WWOX: variants seen among roughly 807,000 people sequenced by gnomAD.
WWOX encodes WW domain-containing oxidoreductase.
In WWOX, 69 loss-of-function variants were observed where a neutral mutation model predicts 46.2. The observed-to-expected ratio is 1.49, with a 90% CI of 1.23 to 1.82. The LOEUF (loss-of-function observed/expected upper bound fraction) is 1.82, where lower values mean the gene tolerates loss of function less well. WWOX is among the 40% of genes most tolerant of loss of function. WWOX has a pLI of 0.00. For missense variants in WWOX, 919 were observed against 542.6 expected, an observed-to-expected ratio of 1.69 and a Z score of -6.89; for synonymous variants, 359 against 202.6, an observed-to-expected ratio of 1.77 and a Z score of -6.56.
intron 8 of WWOX, among the ~76,000 whole-genome samples, chr16:78,968,782 G>C (rs2046413369): frequency 1.3e-5 from 2 of 152,270 alleles, no homozygotes; most frequent in African/African-American, 4.8e-5. Context: ...AGCTATTGGA[G>C]ATAGCACAGA....
At chr16:78,728,055 C>CTTCCT (rs1555524549) in intron 8 of WWOX, among the ~76,000 whole-genome samples, 2,455 of 86,924 alleles carry the variant, frequency 0.028, 356 homozygotes, top group Non-Finnish European at 0.038. Flanking sequence ...TCCCTCCTTC[C>CTTCCT]TTTTTTTTTT....
chr16:78,905,191 A>G (rs188778181), intron 8 of WWOX, among the ~76,000 whole-genome samples: 76 of 152,276 alleles, frequency 5.0e-4, no homozygotes, highest in African/African-American at 1.8e-3. Context: ...TGGCCTGAGC[A>G]TGAGGTTGAT....
intron 8 of WWOX, among the ~76,000 whole-genome samples, chr16:78,537,896 C>T (rs750624760): frequency 2.6e-5 from 4 of 152,116 alleles, no homozygotes; most frequent in Non-Finnish European, 4.4e-5. Context: ...AGGTTGTCCG[C>T]GGTGCCAGTG....
At chr16:78,706,056 A>AG (rs76022988) in intron 8 of WWOX, among the ~76,000 whole-genome samples, 1 of 54,110 alleles carries the variant, frequency 1.8e-5, no homozygotes, top group Admixed American at 3.0e-4. Flanking sequence ...GAGTTATGGC[A>AG]GGTTTTTTTT....
intron 8 of WWOX, among the ~76,000 whole-genome samples, chr16:78,672,811 A>C (rs966893034): frequency 1.3e-5 from 2 of 152,212 alleles, no homozygotes; most frequent in Non-Finnish European, 2.9e-5. Flanking sequence ...GATAACAGCC[A>C]TCTGACTTGA....
intron 4 of WWOX, among the ~76,000 whole-genome samples, chr16:78,150,964 A>C (rs2034384611): frequency 6.6e-6 from 1 of 151,910 alleles, no homozygotes; most frequent in Admixed American, 6.6e-5. Flanking sequence ...TGCAGCCTCC[A>C]ACTTCTGGGC....
At chr16:78,802,548 T>C (rs1036830507) in intron 8 of WWOX, among the ~76,000 whole-genome samples, 1 of 152,176 alleles carries the variant, frequency 6.6e-6, no homozygotes, top group South Asian at 2.1e-4. Context: ...TCCCCAAAAC[T>C]TAGTCACTAG....
chr16:78,857,612 G>T (rs759812902), intron 8 of WWOX, among the ~76,000 whole-genome samples: 2 of 152,120 alleles, frequency 1.3e-5, no homozygotes, highest in African/African-American at 2.4e-5. Context: ...TTTTCCTTTT[G>T]TATCTAGCCT....
intron 8 of WWOX, among the ~76,000 whole-genome samples, chr16:78,868,726 C>G (rs1174656891): frequency 6.6e-6 from 1 of 152,146 alleles, no homozygotes; most frequent in Non-Finnish European, 1.5e-5. Flanking sequence ...TGCTGATGAG[C>G]CATTCATAGG....
At chr16:79,015,072 C>T (rs1307780607) in intron 8 of WWOX, among the ~76,000 whole-genome samples, 2 of 152,198 alleles carry the variant, frequency 1.3e-5, no homozygotes, top group Admixed American at 6.5e-5. Flanking sequence ...TCCTGAACCT[C>T]TGTCTTTCAA....
intron 8 of WWOX, among the ~76,000 whole-genome samples, chr16:78,760,045 T>C (rs991248881): frequency 6.6e-6 from 1 of 152,164 alleles, no homozygotes; most frequent in Non-Finnish European, 1.5e-5. Context: ...GTGTTCACAC[T>C]AGTGATAAAG....
chr16:78,196,612 A>C (rs377489512), intron 5 of WWOX, among the ~76,000 whole-genome samples: 15 of 152,274 alleles, frequency 9.9e-5, no homozygotes, highest in Middle Eastern at 3.4e-3. Context: ...TGTGTTGGGG[A>C]GGTTGTGCTT....
chr16:78,654,757 A>G (rs1219484525), intron 8 of WWOX, among the ~76,000 whole-genome samples: 2 of 151,816 alleles, frequency 1.3e-5, no homozygotes, highest in South Asian at 2.1e-4. Flanking sequence ...CTTAACCTAC[A>G]TCCTAATTAT....
chr16:78,557,007 C>T lies in WWOX; in HGVS notation c.1056+124255C>T, dbSNP rs150450011. 3.8e-3 allele frequency among the ~76,000 whole-genome samples: 579 copies of T among 152,118 alleles called. 2 individuals carry two copies. Among genetic ancestry groups the T allele is most frequent in the Non-Finnish European group, 5.5e-3 (372 of 68,004 alleles). ...GTGCAGGGATTAAGGCGTGAGCCACCGAGCCCAGCCGGCAAACTTACTTTA... is the reference window on the plus strand; with the variant it reads ...GTGCAGGGATTAAGGCGTGAGCCACTGAGCCCAGCCGGCAAACTTACTTTA... On this transcript the variant is annotated intron_variant, in intron 8 of 8. Transcript: ENST00000566780.
rs1001168989 is a variant in WWOX at position 78,549,461 on chromosome 16, C to T, written c.1056+116709C>T. ...TTTAATCTCTTCAGGGTTTCCCATT[C>T]AGTCATGATATGCGGTTCAGAGAAA... On this transcript the variant is annotated intron_variant, in intron 8 of 8. Coordinates refer to ENST00000566780, the MANE Select transcript of WWOX (RefSeq NM_016373.4). Among the ~76,000 whole-genome samples the T allele has an allele frequency of 2.5e-4, 38 of 152,244 alleles. 1 individual carries two copies. Among genetic ancestry groups the T allele is most frequent in the African/African-American group, 8.9e-4 (37 of 41,552 alleles).
At chr16:78,644,128 G>A (rs1310555767) in intron 8 of WWOX, among the ~76,000 whole-genome samples, 6 of 152,222 alleles carry the variant, frequency 3.9e-5, no homozygotes, top group Admixed American at 6.5e-5. Flanking sequence ...AGGCTGAGGC[G>A]GGAGAATCAT....
At chr16:78,975,563 G>A (rs956759623) in intron 8 of WWOX, among the ~76,000 whole-genome samples, 2 of 151,772 alleles carry the variant, frequency 1.3e-5, no homozygotes, top group Non-Finnish European at 2.9e-5. Context: ...TGTGCTGAAT[G>A]CCTGTTCATG....
chr16:78,504,657 CCTGAACACATCT>C (rs1468826408), intron 8 of WWOX, among the ~76,000 whole-genome samples: 1 of 152,140 alleles, frequency 6.6e-6, no homozygotes, highest in African/African-American at 2.4e-5. Context: ...CTCGGTTTAT[CCTGAACACATCT>C]CTGTGCATCG....
intron 8 of WWOX, among the ~76,000 whole-genome samples, chr16:79,202,127 T>G (rs1433811717): frequency 1.3e-5 from 2 of 152,214 alleles, no homozygotes; most frequent in African/African-American, 2.4e-5. Context: ...GATGGCCGCT[T>G]TCACAACAAT....
Sources: allele counts gnomAD v4.1 joint callset (sites outside exome capture counted in the v4.1 genomes callset), GRCh38; gene constraint gnomAD v4.1.1; transcripts MANE v1.5; gene names NCBI Gene and HGNC (gene_info 2026-07-23, HGNC 2026-07-21).